Variants in VSTM4 observed in about 807,000 individuals in gnomAD.
VSTM4 encodes the protein V-set and transmembrane domain containing 4.
In VSTM4, 20 loss-of-function variants were observed where a neutral mutation model predicts 36.4. That is an observed-to-expected ratio of 0.55 (90% confidence interval 0.39 to 0.80). The LOEUF (loss-of-function observed/expected upper bound fraction) is 0.80, where lower values mean the gene tolerates loss of function less well. Ranked by LOEUF, VSTM4 falls within the 30% of genes least tolerant of loss-of-function variation. The pLI is 0.00. For missense variants in VSTM4, 392 were observed against 404.5 expected (o/e 0.97, Z 0.26); for synonymous variants, 182 against 173.9 (o/e 1.05, Z -0.37).
At chr10:49,032,053 A>C (rs1424162338) in intron 7 of VSTM4, among the ~76,000 whole-genome samples, 1 of 149,828 alleles carries the variant, frequency 6.7e-6, no homozygotes, top group African/African-American at 2.5e-5. Flanking sequence ...CCCCACCCCC[A>C]GCTCCCCTTG....
At chr10:49,035,751 T>C (rs1413404228) in intron 7 of VSTM4, among the ~76,000 whole-genome samples, 1 of 149,464 alleles carries the variant, frequency 6.7e-6, no homozygotes, top group East Asian at 2.0e-4. Context: ...GGCAGGAGGA[T>C]CAGTTGAGCC....
chr10:49,091,092 A>T (rs1172518910), intron 2 of VSTM4, among the ~76,000 whole-genome samples: 1 of 152,168 alleles, frequency 6.6e-6, no homozygotes, highest in African/African-American at 2.4e-5. Flanking sequence ...CTATCTCAGT[A>T]CAGCTGTTAT....
chr10:49,042,002 T>G (rs1490374048), intron 7 of VSTM4, among the ~76,000 whole-genome samples: 2 of 152,218 alleles, frequency 1.3e-5, no homozygotes, highest in Non-Finnish European at 2.9e-5. Context: ...GTGTAGTCAC[T>G]CTGTAGTCAC....
rs1355102445 is a variant in VSTM4 at position 49,064,715 on chromosome 10, C to A, written c.656G>T (p.Cys219Phe). 1.2e-6 allele frequency: 2 copies of A among 1,612,666 alleles called. No individual in the cohort carries two copies. Among genetic ancestry groups the A allele is most frequent in the Non-Finnish European group, 1.7e-6 (2 of 1,179,556 alleles). ...AAAATATTCTTACCTGTTCTGAGGG[C>A]ATTTCACCAAATAATGTCTCACTGT... is the stretch of plus-strand genomic sequence containing the variant. ...KSRVRHYLVKCPQNSSGETVT... is the reference protein window; with the variant it reads ...KSRVRHYLVKFPQNSSGETVT... Residue 219 changes from cysteine (C) to phenylalanine (F), a missense_variant, in exon 5 of 8, where the codon TGC becomes TTC. Transcript: ENST00000332853.
intron 3 of VSTM4, among the ~76,000 whole-genome samples, chr10:49,083,468 G>A (rs530691044): frequency 1.3e-5 from 2 of 152,260 alleles, no homozygotes; most frequent in African/African-American, 2.4e-5. Flanking sequence ...CTCTAACCTC[G>A]CCAAAGCTAC....
At chr10:49,108,072 A>T in intron 1 of VSTM4, 77 bp from the exon 2 acceptor site, 2 of 1,463,782 alleles carry the variant, frequency 1.4e-6, no homozygotes, top group Non-Finnish European at 1.8e-6. Context: ...TCGAGGAGCC[A>T]GGAAATGCCT....
intron 2 of VSTM4, chr10:49,103,913 C>T (rs536186866): frequency 6.5e-7 from 1 of 1,532,968 alleles, no homozygotes; most frequent in African/African-American, 1.4e-5. Context: ...AGACCACGGG[C>T]CTGGGGTGGG....
At chr10:49,080,723 T>C (rs981638798) in intron 3 of VSTM4, among the ~76,000 whole-genome samples, 1 of 152,114 alleles carries the variant, frequency 6.6e-6, no homozygotes, top group African/African-American at 2.4e-5. Context: ...AAGGATGCCT[T>C]AATAGCATCA....
intron 1 of VSTM4, among the ~76,000 whole-genome samples, chr10:49,108,536 G>C (rs1428176789): frequency 2.6e-5 from 4 of 152,220 alleles, no homozygotes; most frequent in Admixed American, 6.5e-5. Context: ...CCCTTTCCCT[G>C]ACTCCGCTAT....
At chr10:49,087,696 C>T (rs1034168694) in intron 2 of VSTM4, among the ~76,000 whole-genome samples, 1 of 152,074 alleles carries the variant, frequency 6.6e-6, no homozygotes, top group African/African-American at 2.4e-5. Flanking sequence ...CAAAAACTAA[C>T]TCACCTCCTA....
At chr10:49,027,716 G>A (rs927561813) in intron 7 of VSTM4, among the ~76,000 whole-genome samples, 1 of 152,180 alleles carries the variant, frequency 6.6e-6, no homozygotes, top group African/African-American at 2.4e-5. Flanking sequence ...TTCTGGGATT[G>A]GCTTTTTTTA....
At chr10:49,076,872 A>T (rs796890328) in intron 4 of VSTM4, among the ~76,000 whole-genome samples, 1 of 152,324 alleles carries the variant, frequency 6.6e-6, no homozygotes, top group African/African-American at 2.4e-5. Flanking sequence ...GAGGAAACCC[A>T]TGTTCAGAAT....
At chr10:49,110,994 G>A (rs1244100444) in intron 1 of VSTM4, among the ~76,000 whole-genome samples, 1 of 152,192 alleles carries the variant, frequency 6.6e-6, no homozygotes, top group African/African-American at 2.4e-5. Context: ...ACAGGCCCCC[G>A]CCAAGTCTGA....
intron 5 of VSTM4, among the ~76,000 whole-genome samples, chr10:49,062,299 C>T (rs535410528): frequency 1.5e-4 from 22 of 143,640 alleles, no homozygotes; most frequent in Admixed American, 5.6e-4. Context: ...TTCTTCCTTC[C>T]TAAGGCTCCA....
intron 1 of VSTM4, 69 bp downstream of exon 1, chr10:49,115,362 C>A (rs1844976178): frequency 1.0e-6 from 1 of 961,456 alleles, no homozygotes; most frequent in Non-Finnish European, 1.2e-6. Context: ...AGGCCCGGAG[C>A]CCCGGCCTCC....
At position 49,017,501 on chromosome 10, in the gene VSTM4, C is replaced by CTT. The variant is rs1564561022; in HGVS notation, c.*2148_*2149insAA. On this transcript the variant is annotated 3_prime_UTR_variant, in exon 8 of 8. Coordinates refer to ENST00000332853, the MANE Select transcript of VSTM4 (RefSeq NM_001031746.5). The stretch of plus-strand genomic sequence containing the variant: ...TAATATAACAATGACTGGTTTGACT[C>CTT]TAACTGGGAGCTACTAGCTCTTAAG... 6.6e-6 allele frequency: 1 copy of CTT among 152,266 alleles called. No homozygotes were observed. Among genetic ancestry groups the CTT allele is most frequent in the Admixed American group, 6.5e-5 (1 of 15,288 alleles). The allele number at this position is 152,266 out of a possible 1,614,324, so 9.4% of individuals were successfully genotyped here.
intron 7 of VSTM4, among the ~76,000 whole-genome samples, chr10:49,028,744 G>A (rs1843300794): frequency 6.6e-6 from 1 of 152,166 alleles, no homozygotes; most frequent in Admixed American, 6.5e-5. Flanking sequence ...TTAAGTCACG[G>A]TAATAAAAGA....
intron 1 of VSTM4, among the ~76,000 whole-genome samples, chr10:49,113,090 C>T (rs1844927794): frequency 6.6e-6 from 1 of 152,230 alleles, no homozygotes; most frequent in Admixed American, 6.5e-5. Context: ...GTGCCTCCCA[C>T]TTCCTCTCTG....
intron 2 of VSTM4, among the ~76,000 whole-genome samples, chr10:49,091,701 C>T (rs1312337695): frequency 6.6e-6 from 1 of 152,204 alleles, no homozygotes; most frequent in Non-Finnish European, 1.5e-5. Context: ...GTCCCCCATT[C>T]ACCAAGGACG....
Sources: allele counts gnomAD v4.1 joint callset (sites outside exome capture counted in the v4.1 genomes callset), GRCh38; gene constraint gnomAD v4.1.1; transcripts MANE v1.5; gene names NCBI Gene and HGNC (gene_info 2026-07-23, HGNC 2026-07-21).